Variants in ALS2 observed in about 807,000 individuals in gnomAD.
ALS2 encodes the protein alsin.
Under a neutral mutation model 203.4 loss-of-function variants are expected in ALS2, and 117 were observed. The ratio of observed to expected loss-of-function variants is 0.58; its 90% CI spans 0.50 to 0.67. The LOEUF (loss-of-function observed/expected upper bound fraction) is 0.67. ALS2 is among the 30% of genes least tolerant of loss of function. ALS2 has a pLI of 0.00. For synonymous variants in ALS2, 718 were observed against 725.9 expected, an observed-to-expected ratio of 0.99 and a Z score of 0.17; for missense variants, 1,715 against 1,989.4, an observed-to-expected ratio of 0.86 and a Z score of 2.62.
intron 2 of ALS2, among the ~76,000 whole-genome samples, 176 bp from the exon 3 acceptor site, chr2:201,767,559 A>G (rs115618141): frequency 0.011 from 1,651 of 152,126 alleles, 30 homozygotes; most frequent in Admixed American, 0.037. Context: ...TAAAACAACT[A>G]TTTATATAAA....
chr2:201,759,497 T>C (rs1323585073), intron 4 of ALS2: 11 of 969,464 alleles, frequency 1.1e-5, no homozygotes, highest in Non-Finnish European at 1.3e-5. Flanking sequence ...ACACACACAT[T>C]GTTACTAGCA....
At chr2:201,703,207 TATTTTA>T (rs1408859511) in intron 33 of ALS2, among the ~76,000 whole-genome samples, 1 of 152,204 alleles carries the variant, frequency 6.6e-6, no homozygotes, top group East Asian at 1.9e-4. Context: ...TTATTTTTCT[TATTTTA>T]ATTTACCTGT....
intron 8 of ALS2, 110 bp downstream of exon 8, chr2:201,749,602 T>C: frequency 9.4e-7 from 1 of 1,062,936 alleles, no homozygotes; most frequent in South Asian, 1.4e-5. Context: ...AAAACAAATT[T>C]AGGTTGTACG....
At chr2:201,728,479 AG>A (rs750428008) in intron 15 of ALS2, 32 bp downstream of exon 15, 19 of 1,613,446 alleles carry the variant, frequency 1.2e-5, no homozygotes, top group Non-Finnish European at 1.6e-5. Flanking sequence ...TCCACCTTTC[AG>A]GAATTCTTTT....
chr2:201,745,075 A>T (rs1692542263), intron 9 of ALS2, among the ~76,000 whole-genome samples: 1 of 152,244 alleles, frequency 6.6e-6, no homozygotes, highest in Non-Finnish European at 1.5e-5. Flanking sequence ...TCCCATGGTA[A>T]CCAAAGACAC....
chr2:201,751,856 G>A (rs1306391315), intron 7 of ALS2, among the ~76,000 whole-genome samples: 5 of 151,950 alleles, frequency 3.3e-5, no homozygotes, highest in Admixed American at 1.3e-4. Context: ...CTACAAATAC[G>A]AAGCCAGTAA....
chr2:201,729,633 C>A (rs1691420017), intron 13 of ALS2, among the ~76,000 whole-genome samples: 1 of 152,170 alleles, frequency 6.6e-6, no homozygotes, highest in African/African-American at 2.4e-5. Flanking sequence ...GTAATCCCAG[C>A]ACTTTGGGAG....
chr2:201,722,520 A>G (rs1690871705), intron 23 of ALS2: 1 of 153,342 alleles, frequency 6.5e-6, no homozygotes, highest in South Asian at 2.0e-4. Flanking sequence ...ATGTCTACAC[A>G]AGAAACTGCA....
intron 27 of ALS2, 32 bp downstream of exon 27, chr2:201,709,849 A>C: frequency 6.2e-7 from 1 of 1,613,462 alleles, no homozygotes; most frequent in Non-Finnish European, 8.5e-7. Flanking sequence ...AGTATTCCAT[A>C]GCCCGCAGAC....
intron 1 of ALS2, among the ~76,000 whole-genome samples, chr2:201,777,883 A>G (rs1194565226): frequency 6.6e-6 from 1 of 152,194 alleles, no homozygotes; most frequent in Non-Finnish European, 1.5e-5. Flanking sequence ...GTATAGATCT[A>G]GCTCATTCAT....
intron 7 of ALS2, among the ~76,000 whole-genome samples, chr2:201,751,576 CAT>C (rs1219341545): frequency 2.6e-5 from 4 of 152,308 alleles, no homozygotes; most frequent in African/African-American, 9.6e-5. Context: ...CACTTTATCA[CAT>C]ATGTTGCAGA....
chr2:201,723,533 C>A, intron 21 of ALS2, 92 bp from the exon 22 acceptor site: 4 of 1,122,918 alleles, frequency 3.6e-6, no homozygotes, highest in South Asian at 2.5e-5. Flanking sequence ...CAGGCATCAA[C>A]CCTAGGTTGG....
chr2:201,731,634 T>C (rs1691560683), intron 13 of ALS2, among the ~76,000 whole-genome samples: 1 of 152,198 alleles, frequency 6.6e-6, no homozygotes, highest in Admixed American at 6.5e-5. Context: ...CATATATGTG[T>C]ACACACATAT....
chr2:201,708,379 T>G (rs547646138), intron 27 of ALS2, among the ~76,000 whole-genome samples: 8 of 152,298 alleles, frequency 5.3e-5, no homozygotes, highest in Middle Eastern at 3.4e-3. Flanking sequence ...TGATTAATTA[T>G]AGAAGACACA....
chr2:201,780,685 C>T (rs529219709), intron 1 of ALS2, among the ~76,000 whole-genome samples, 192 bp downstream of exon 1: 5 of 152,202 alleles, frequency 3.3e-5, no homozygotes, highest in Admixed American at 3.3e-4. Context: ...GCTGCTGGAC[C>T]GGCAGGAGCA....
Position 201,741,841 on chromosome 2 carries a change from A to T in ALS2, c.2184T>A (p.Thr728=). Residue 728 remains threonine, a synonymous_variant, in exon 11 of 34, where the codon ACT becomes ACA. Coordinates refer to ENST00000264276, the MANE Select transcript of ALS2 (RefSeq NM_020919.4). ...CCTGCAACAGCTGGACTGTAGTTGT[A>T]GTGCCCAAATTTTCTATAACAAAAT... The part of the protein sequence containing the change: ...RPLLSLENLG[T]TTTVQLLQEV... 3 of 1,613,670 alleles carry T rather than the reference A, an allele frequency of 1.9e-6. No individual in the cohort carries two copies. Among genetic ancestry groups the T allele is most frequent in the Non-Finnish European group, 2.5e-6 (3 of 1,179,678 alleles).
rs1689330139 is a variant in ALS2 at position 201,700,670 on chromosome 2, T to C, written c.*1181A>G. ...AGTAGAGCAAAAACCATGATCCTTT[T>C]TCAAAAGTAATTAACATCTTCTCAG... is the stretch of plus-strand genomic sequence containing the variant. On this transcript the variant is annotated 3_prime_UTR_variant, in exon 34 of 34. Transcript: ENST00000264276. 6.6e-6 allele frequency: 1 copy of C among 152,648 alleles called. No individual in the cohort carries two copies. The highest frequency in any genetic ancestry group is 2.1e-4 in the South Asian group (1 of 4,828). The allele number at this position is 152,648 out of a possible 1,614,324, so 9.5% of individuals were successfully genotyped here.
chr2:201,757,690 G>C lies in ALS2; in HGVS notation c.1183C>G (p.Leu395Val). The C allele has an allele frequency of 6.2e-7, 1 of 1,613,866 alleles. No homozygotes were observed. The highest frequency in any genetic ancestry group is 1.3e-5 in the African/African-American group (1 of 75,054). Residue 395 changes from leucine to valine, a missense_variant, in exon 5 of 34, where the codon CTG becomes GTG. Leu to Val is a conservative substitution (Grantham distance 32). Around this residue, in one of 3 missense-constraint regions of ALS2, gnomAD observed 476 missense variants for 539.3 expected, o/e 0.88. Transcript: ENST00000264276. The part of the protein sequence containing the change: ...PTTSTSALNS[L>V]VVSCASAVGV... ...ACAGCAGATGCACAAGAGACCACCA[G>C]GCTGTTTAGGGCTGAGGTGCTTGTG...
chr2:201,761,250 A>C lies in ALS2; in HGVS notation c.744T>G (p.His248Gln). The C allele has an allele frequency of 1.2e-6, 2 of 1,614,098 alleles. No homozygotes were observed. The highest frequency in any genetic ancestry group is 1.7e-6 in the Non-Finnish European group (2 of 1,180,020). The change falls in exon 4 of 34, where the codon CAT (histidine) becomes CAG (glutamine). Residue 248 changes from histidine to glutamine, a missense_variant. This residue lies in a region of ALS2 where 476 missense variants were observed against 539.3 expected (regional missense o/e 0.88). Transcript: ENST00000264276. ...AACAATGACTGTCTGATATAATCAC[A>C]TGGTCTTCTTTGTCAGTCATAGTAA... ...LLITMTDKEDHVIISDSHCCP... is the reference protein window; with the variant it reads ...LLITMTDKEDQVIISDSHCCP...
Sources: allele counts gnomAD v4.1 joint callset (sites outside exome capture counted in the v4.1 genomes callset), GRCh38; gene constraint gnomAD v4.1.1; regional missense constraint gnomAD v4.1.1; transcripts MANE v1.5; gene names NCBI Gene and HGNC (gene_info 2026-07-23, HGNC 2026-07-21).